The following LRP1B variants were observed in gnomAD, a reference collection of about 807,000 sequenced individuals.
LRP1B encodes the protein low-density lipoprotein receptor-related protein 1B.
In LRP1B, 217 loss-of-function variants were observed where a neutral mutation model predicts 556.6. The observed-to-expected ratio is 0.39, with a 90% confidence interval of 0.35 to 0.44. The LOEUF (loss-of-function observed/expected upper bound fraction) is 0.44. Ranked by LOEUF, LRP1B falls within the 20% of genes least tolerant of loss-of-function variation. The probability of loss-of-function intolerance (pLI) is 1.00; values close to 1 mark genes in which losing one functional copy is unlikely to be tolerated. For synonymous variants in LRP1B, 2,047 were observed against 1,865.8 expected (o/e 1.10, Z -2.50); for missense variants, 5,053 against 5,620.8 (o/e 0.90, Z 3.23).
chr2:141,785,072 G>A (rs1347309095), intron 2 of LRP1B, among the ~76,000 whole-genome samples: 2 of 151,772 alleles, frequency 1.3e-5, no homozygotes, highest in East Asian at 3.9e-4. Context: ...TAACTTCACA[G>A]GAAAAAAACC....
At chr2:140,970,421 C>T (rs144237325) in intron 18 of LRP1B, among the ~76,000 whole-genome samples, 22 of 152,210 alleles carry the variant, frequency 1.4e-4, no homozygotes, top group African/African-American at 2.2e-4. Context: ...GTTAGCCACT[C>T]GTCTAATCTT....
At chr2:141,585,689 G>A (rs1448701365) in intron 2 of LRP1B, among the ~76,000 whole-genome samples, 2 of 152,062 alleles carry the variant, frequency 1.3e-5, no homozygotes, top group African/African-American at 2.4e-5. Context: ...TAACTGGAAT[G>A]TCAGGAACTT....
intron 25 of LRP1B, among the ~76,000 whole-genome samples, chr2:140,880,640 G>A (rs150836449): frequency 6.6e-6 from 1 of 152,120 alleles, no homozygotes; most frequent in Admixed American, 6.6e-5. Flanking sequence ...CTTGATTGCT[G>A]TAGAAACCTC....
intron 13 of LRP1B, 129 bp from the exon 14 acceptor site, chr2:141,013,874 A>C: frequency 1.9e-6 from 1 of 523,992 alleles, no homozygotes. Flanking sequence ...TTTCTCTGAT[A>C]GATTTAAAAA....
At chr2:141,277,140 T>C (rs1480582886) in intron 3 of LRP1B, among the ~76,000 whole-genome samples, 1 of 152,302 alleles carries the variant, frequency 6.6e-6, no homozygotes, top group Non-Finnish European at 1.5e-5. Context: ...TTTATTTTCC[T>C]TTGGGTGTAT....
chr2:140,262,025 G>T (rs1681964904), intron 86 of LRP1B, among the ~76,000 whole-genome samples: 2 of 151,488 alleles, frequency 1.3e-5, no homozygotes, highest in South Asian at 4.2e-4. Context: ...GGTATCCTTA[G>T]GTATATAGAG....
chr2:141,215,191 C>T (rs1682747020), intron 6 of LRP1B, among the ~76,000 whole-genome samples: 1 of 152,084 alleles, frequency 6.6e-6, no homozygotes, highest in African/African-American at 2.4e-5. Flanking sequence ...TTCTCTTGCT[C>T]CAGCTTTACC....
intron 36 of LRP1B, among the ~76,000 whole-genome samples, chr2:140,716,325 A>G (rs562104584): frequency 6.6e-6 from 1 of 152,214 alleles, no homozygotes. Context: ...ATATAATGAT[A>G]TATTTACATG....
intron 3 of LRP1B, among the ~76,000 whole-genome samples, chr2:141,262,714 A>T (rs1461439091): frequency 6.6e-6 from 1 of 152,172 alleles, no homozygotes; most frequent in Non-Finnish European, 1.5e-5. Context: ...TCAAAAATGA[A>T]TTGACCAAGT....
At chr2:140,683,663 GCAAAT>G (rs1559053145) in intron 41 of LRP1B, 4 of 700,310 alleles carry the variant, frequency 5.7e-6, no homozygotes, top group Admixed American at 5.6e-5. Context: ...CGCATTTACA[GCAAAT>G]CTTCAGAATG....
chr2:140,757,002 G>C lies in LRP1B; in HGVS notation c.5758+12211C>G, dbSNP rs906967839. 5.9e-5 allele frequency among the ~76,000 whole-genome samples: 9 copies of C among 152,012 alleles called. No individual in the cohort carries two copies. The South Asian group carries it at 1.9e-3, about 32-fold the overall frequency. On this transcript the variant is annotated intron_variant, in intron 35 of 90. Transcript: ENST00000389484. ...GACCCCAGTAATAAAATGGGCAAAA[G>C]CTTTAAATAGACATTTCTTCATATA... is the stretch of plus-strand genomic sequence containing the variant.
chr2:141,695,875 G>A (rs1158559494), intron 2 of LRP1B, among the ~76,000 whole-genome samples: 1 of 151,804 alleles, frequency 6.6e-6, no homozygotes, highest in South Asian at 2.1e-4. Context: ...TACTTATTTT[G>A]TACTATAAGC....
intron 18 of LRP1B, among the ~76,000 whole-genome samples, chr2:140,963,626 A>T (rs1696105768): frequency 1.3e-5 from 2 of 152,230 alleles, no homozygotes; most frequent in East Asian, 3.9e-4. Flanking sequence ...TCCTACCAGA[A>T]ATAATCTGCT....
intron 83 of LRP1B, 126 bp from the exon 84 acceptor site, chr2:140,298,095 G>A: frequency 2.6e-6 from 2 of 759,824 alleles, no homozygotes; most frequent in Non-Finnish European, 2.0e-6. Context: ...GATTTACTCT[G>A]TGACTTTAGG....
chr2:141,034,081 T>C (rs1279880845), intron 11 of LRP1B, among the ~76,000 whole-genome samples: 1 of 152,066 alleles, frequency 6.6e-6, no homozygotes, highest in Non-Finnish European at 1.5e-5. Context: ...TTAAGGCCTT[T>C]AAAAAAATCT....
intron 62 of LRP1B, among the ~76,000 whole-genome samples, chr2:140,454,219 G>T (rs753037113): frequency 6.6e-6 from 1 of 151,986 alleles, no homozygotes; most frequent in Non-Finnish European, 1.5e-5. Context: ...CATGATCTTG[G>T]CTCACTTCAG....
chr2:140,234,923 T>C (rs953685975), intron 89 of LRP1B, 39 bp from the exon 90 acceptor site: 3 of 749,896 alleles, frequency 4.0e-6, no homozygotes, highest in Non-Finnish European at 7.4e-6. Flanking sequence ...TGATCTAATA[T>C]TATAGAATCA....
chr2:141,855,410 T>C (rs1177114943), intron 1 of LRP1B, among the ~76,000 whole-genome samples: 2 of 152,108 alleles, frequency 1.3e-5, no homozygotes, highest in Non-Finnish European at 2.9e-5. Context: ...CTCTGAAGTG[T>C]AATCTTGCAT....
At chr2:141,328,336 G>A (rs1687505625) in intron 3 of LRP1B, among the ~76,000 whole-genome samples, 1 of 142,226 alleles carries the variant, frequency 7.0e-6, no homozygotes, top group South Asian at 2.2e-4. Flanking sequence ...CTATCTTAAT[G>A]AGTTGTTGTA....
Sources: gnomAD v4.1 joint callset for allele counts (sites outside exome capture counted in the v4.1 genomes callset) on GRCh38, gnomAD v4.1.1 for gene constraint, MANE v1.5 for transcripts, NCBI Gene and HGNC (gene_info 2026-07-23, HGNC 2026-07-21) for gene names.